The following HPSE2 variants were observed in gnomAD, a reference collection of about 807,000 sequenced individuals.
The protein encoded by HPSE2 is heparanase 2 (inactive), also known as inactive heparanase-2.
In HPSE2, 38 loss-of-function variants were observed where a neutral mutation model predicts 60.5. That is an observed-to-expected ratio of 0.63 (90% confidence interval 0.48 to 0.82). The LOEUF is 0.82. Ranked by LOEUF, HPSE2 falls within the 40% of genes least tolerant of loss-of-function variation. The pLI is 0.00. For missense variants in HPSE2, 713 were observed against 740.4 expected (o/e 0.96, Z 0.43); for synonymous variants, 295 against 293.2 (o/e 1.01, Z -0.06).
chr10:99,250,434 C>G, the HPSE2 span, among the ~76,000 whole-genome samples: 1 of 152,176 alleles, frequency 6.6e-6, no homozygotes, highest in Non-Finnish European at 1.5e-5. Flanking sequence ...ACCACCCTGT[C>G]ACTATTAGAT....
intron 3 of HPSE2, among the ~76,000 whole-genome samples, chr10:98,959,615 C>T (rs11189907): frequency 0.11 from 17,145 of 152,170 alleles, 1,030 homozygotes; most frequent in South Asian, 0.21. Context: ...TAAACTCCAG[C>T]AAAATCTCCC....
intron 3 of HPSE2, among the ~76,000 whole-genome samples, chr10:98,997,083 G>GTCCT (rs1956660245): frequency 6.8e-6 from 1 of 146,864 alleles, no homozygotes; most frequent in African/African-American, 2.5e-5. Flanking sequence ...TGTCCCTAAT[G>GTCCT]TCCTTACTTT....
intron 3 of HPSE2, among the ~76,000 whole-genome samples, chr10:98,816,410 G>A (rs1180952891): frequency 6.6e-6 from 1 of 151,926 alleles, no homozygotes; most frequent in Non-Finnish European, 1.5e-5. Flanking sequence ...GATGGAGAGT[G>A]GATAAATAGA....
chr10:99,315,628 G>T, the HPSE2 span, among the ~76,000 whole-genome samples: 1 of 152,168 alleles, frequency 6.6e-6, no homozygotes, highest in Admixed American at 6.5e-5. Context: ...CAAAAAGCTT[G>T]CAGATTCACA....
At chr10:99,158,689 A>T (rs990603184) in intron 2 of HPSE2, among the ~76,000 whole-genome samples, 4 of 150,208 alleles carry the variant, frequency 2.7e-5, no homozygotes, top group African/African-American at 9.8e-5. Context: ...TGGCACATGT[A>T]TACATATGTA....
intron 3 of HPSE2, among the ~76,000 whole-genome samples, chr10:98,818,619 C>T (rs1358874861): frequency 2.6e-5 from 4 of 152,122 alleles, no homozygotes; most frequent in African/African-American, 9.7e-5. Context: ...GGGAGAAAGT[C>T]CAACGAGGAG....
chr10:99,235,076 C>CAG (rs77202175), intron 1 of HPSE2, among the ~76,000 whole-genome samples: 31 of 143,468 alleles, frequency 2.2e-4, no homozygotes, highest in East Asian at 1.3e-3. Flanking sequence ...TGAACACTCA[C>CAG]ACACACACAC....
At chr10:98,996,406 A>C (rs1956643035) in intron 3 of HPSE2, among the ~76,000 whole-genome samples, 1 of 152,210 alleles carries the variant, frequency 6.6e-6, no homozygotes, top group East Asian at 1.9e-4. Context: ...GTGAAATGGT[A>C]GAACCACTTT....
chr10:99,283,222 G>A, the HPSE2 span, among the ~76,000 whole-genome samples: 2 of 113,336 alleles, frequency 1.8e-5, 1 homozygote, highest in African/African-American at 6.9e-5. Flanking sequence ...AAAAACAGAA[G>A]GATTTCAAAT....
At chr10:98,727,269 T>G (rs11189784) in intron 4 of HPSE2, among the ~76,000 whole-genome samples, 22,276 of 152,098 alleles carry the variant, frequency 0.15, 1,970 homozygotes, top group Admixed American at 0.23. Flanking sequence ...AAAGTTTGAC[T>G]CATACCAGCA....
At chr10:99,132,620 T>C (rs1245549445) in intron 3 of HPSE2, among the ~76,000 whole-genome samples, 1 of 151,988 alleles carries the variant, frequency 6.6e-6, no homozygotes, top group Non-Finnish European at 1.5e-5. Flanking sequence ...GGGTGTCGCC[T>C]CACCCAGGAA....
At chr10:98,915,839 A>C (rs1220183345) in intron 3 of HPSE2, among the ~76,000 whole-genome samples, 1 of 152,236 alleles carries the variant, frequency 6.6e-6, no homozygotes, top group Admixed American at 6.5e-5. Context: ...TAAAACTCCA[A>C]ATGAGATACA....
chr10:98,914,484 G>C (rs945236457), intron 3 of HPSE2, among the ~76,000 whole-genome samples: 3 of 151,422 alleles, frequency 2.0e-5, no homozygotes, highest in African/African-American at 7.3e-5. Context: ...TTTCTTGCTG[G>C]AAGGAACTAT....
chr10:98,881,312 C>T (rs1324712217), intron 3 of HPSE2, among the ~76,000 whole-genome samples: 7 of 152,056 alleles, frequency 4.6e-5, no homozygotes, highest in African/African-American at 1.7e-4. Flanking sequence ...CCTTCCTACA[C>T]TGGCAATATA....
intron 3 of HPSE2, among the ~76,000 whole-genome samples, chr10:99,026,608 C>T (rs925985968): frequency 2.3e-5 from 3 of 129,796 alleles, no homozygotes; most frequent in African/African-American, 1.0e-4. Flanking sequence ...CTAATCTGCA[C>T]TACAGATCAA....
intron 6 of HPSE2, among the ~76,000 whole-genome samples, chr10:98,676,190 A>C (rs1276991303): frequency 6.6e-6 from 1 of 152,198 alleles, no homozygotes; most frequent in East Asian, 1.9e-4. Context: ...AGCGTTAATG[A>C]GTGGCCAGTG....
At chr10:98,507,515 T>C (rs1942241945) in intron 9 of HPSE2, among the ~76,000 whole-genome samples, 4 of 152,180 alleles carry the variant, frequency 2.6e-5, no homozygotes, top group Admixed American at 2.6e-4. Flanking sequence ...GTTTTGGTTT[T>C]TAAGTTGGCT....
In HPSE2 at chr10:99,068,800, C is replaced by T. The variant is rs1019535343; in HGVS notation, c.610+75438G>A. 2.0e-5 allele frequency among the ~76,000 whole-genome samples: 3 copies of T among 152,060 alleles called. No individual in the cohort carries two copies. In the South Asian group the frequency reaches 6.2e-4, roughly 32 times the overall value. On this transcript the variant is annotated intron_variant, in intron 3 of 11. Coordinates refer to ENST00000370552, the MANE Select transcript of HPSE2 (RefSeq NM_021828.5). ...TGAAAGAGGGCACATCACCACTGAT[C>T]CTACAGAAATTTTTTAAAATGTAAA...
the HPSE2 span, among the ~76,000 whole-genome samples, chr10:99,290,712 G>A: frequency 3.3e-5 from 5 of 152,148 alleles, no homozygotes; most frequent in South Asian, 2.1e-4. Flanking sequence ...CAAATTAGCT[G>A]TGTGGAGAAC....
Sources: gnomAD v4.1 joint callset for allele counts (sites outside exome capture counted in the v4.1 genomes callset) on GRCh38, gnomAD v4.1.1 for gene constraint, MANE v1.5 for transcripts, NCBI Gene and HGNC (gene_info 2026-07-23, HGNC 2026-07-21) for gene names.